TCF12: variants seen among roughly 807,000 people sequenced by gnomAD.
TCF12 encodes transcription factor 12.
A neutral mutation model predicts 86.0 loss-of-function variants in TCF12; 45 were observed. The ratio of observed to expected loss-of-function variants is 0.52; its 90% CI spans 0.41 to 0.67. TCF12 has a LOEUF of 0.67. Ranked by LOEUF, TCF12 falls within the 30% of genes least tolerant of loss-of-function variation. The pLI, the probability that TCF12 is intolerant of heterozygous loss-of-function variation, is 0.00. For missense variants in TCF12, 881 were observed against 859.9 expected, an observed-to-expected ratio of 1.02 and a Z score of -0.31; for synonymous variants, 330 against 299.6, an observed-to-expected ratio of 1.10 and a Z score of -1.05.
chr15:57,170,674 TAATATA>T (rs1567557867), intron 6 of TCF12, among the ~76,000 whole-genome samples: 4,101 of 11,326 alleles, frequency 0.36, 395 homozygotes, highest in Admixed American at 0.46. Context: ...TATATATATA[TAATATA>T]TTATATATAA....
intron 4 of TCF12, among the ~76,000 whole-genome samples, chr15:57,081,622 C>T (rs892052525): frequency 2.6e-5 from 4 of 152,198 alleles, no homozygotes; most frequent in African/African-American, 7.2e-5. Flanking sequence ...ACTACAGCCT[C>T]TGCCTCCTGG....
chr15:56,961,659 T>C (rs1387356957), intron 3 of TCF12, among the ~76,000 whole-genome samples: 1 of 152,194 alleles, frequency 6.6e-6, no homozygotes, highest in South Asian at 2.1e-4. Context: ...CATTACCAAT[T>C]AGTGGGTTGA....
At chr15:57,101,034 A>G (rs1239577031) in intron 5 of TCF12, among the ~76,000 whole-genome samples, 1 of 152,054 alleles carries the variant, frequency 6.6e-6, no homozygotes, top group Non-Finnish European at 1.5e-5. Context: ...TCAATTCACC[A>G]TTTTTGTAAT....
chr15:57,119,449 G>C (rs1006284810), intron 5 of TCF12, among the ~76,000 whole-genome samples: 2 of 148,430 alleles, frequency 1.3e-5, no homozygotes, highest in Non-Finnish European at 3.0e-5. Context: ...CACCGTACCC[G>C]GTCCACAGCT....
At chr15:57,111,021 G>C (rs1300751555) in intron 5 of TCF12, among the ~76,000 whole-genome samples, 1 of 152,210 alleles carries the variant, frequency 6.6e-6, no homozygotes, top group African/African-American at 2.4e-5. Flanking sequence ...TTCTGTCTCA[G>C]ATGCATTGTG....
chr15:57,238,865 G>C (rs2059487769), intron 12 of TCF12, among the ~76,000 whole-genome samples: 1 of 152,164 alleles, frequency 6.6e-6, no homozygotes, highest in Non-Finnish European at 1.5e-5. Context: ...TAAAAGAGCA[G>C]AGAGAAGTTC....
chr15:57,221,709 C>G (rs1210459816), intron 8 of TCF12, among the ~76,000 whole-genome samples: 2 of 151,988 alleles, frequency 1.3e-5, no homozygotes, highest in African/African-American at 4.8e-5. Flanking sequence ...TTGGCTTAGT[C>G]CTCCAAATCA....
chr15:56,978,866 C>T (rs576595776), intron 3 of TCF12, among the ~76,000 whole-genome samples: 11 of 152,100 alleles, frequency 7.2e-5, no homozygotes, highest in Admixed American at 2.0e-4. Flanking sequence ...AGAATTTCTG[C>T]AATGATGGGA....
At chr15:57,087,037 C>T (rs569307566) in intron 4 of TCF12, among the ~76,000 whole-genome samples, 1 of 150,492 alleles carries the variant, frequency 6.6e-6, no homozygotes, top group Non-Finnish European at 1.5e-5. Context: ...GTCTCTTCCC[C>T]TCTCTCTCCC....
chr15:57,190,786 C>A (rs1169085051), intron 6 of TCF12, among the ~76,000 whole-genome samples: 1 of 152,310 alleles, frequency 6.6e-6, no homozygotes, highest in East Asian at 1.9e-4. Flanking sequence ...TCTCCTCACC[C>A]TTGTCATCCT....
intron 4 of TCF12, among the ~76,000 whole-genome samples, chr15:57,072,907 A>G (rs2069530281): frequency 6.6e-6 from 1 of 152,232 alleles, no homozygotes; most frequent in Non-Finnish European, 1.5e-5. Flanking sequence ...GCACCTGCCT[A>G]TAAATTATAA....
At chr15:57,073,337 C>T (rs1326932292) in intron 4 of TCF12, among the ~76,000 whole-genome samples, 1 of 152,104 alleles carries the variant, frequency 6.6e-6, no homozygotes, top group African/African-American at 2.4e-5. Context: ...TCTTTCTTGA[C>T]AGCCTGTTTA....
At chr15:57,250,031 T>C (rs1234470503) in intron 13 of TCF12, among the ~76,000 whole-genome samples, 1 of 152,156 alleles carries the variant, frequency 6.6e-6, no homozygotes, top group Non-Finnish European at 1.5e-5. Flanking sequence ...CTTGTATCTT[T>C]TCTTTTTCTA....
At position 57,170,656 on chromosome 15, in the gene TCF12, ATAAAATAT is replaced by A. The variant is rs1402275902; in HGVS notation, c.390+4191_390+4198del. On this transcript the variant is annotated intron_variant, in intron 6 of 20. Transcript: ENST00000333725. ...TATATATATATAATATATATATTATATAAAATATATATATATATAATATATTATATATA... is the reference window on the plus strand; with the variant it reads ...TATATATATATAATATATATATTATAATATATATATAATATATTATATATA... 2.5e-4 allele frequency among the ~76,000 whole-genome samples: 9 copies of A among 36,708 alleles called. 2 individuals carry two copies. The highest frequency in any genetic ancestry group is 1.1e-3 in the Admixed American group (2 of 1,878). 24.1% of individuals were successfully genotyped at this position (36,708 alleles called of 152,430 possible).
At chr15:57,182,660 A>G (rs891476363) in intron 6 of TCF12, among the ~76,000 whole-genome samples, 3 of 152,172 alleles carry the variant, frequency 2.0e-5, no homozygotes, top group Non-Finnish European at 4.4e-5. Context: ...TGGCATTAAT[A>G]TTCACTGTGG....
downstream of TCF12, among the ~76,000 whole-genome samples, chr15:57,291,286 A>C (rs1258444441): frequency 6.6e-6 from 1 of 152,116 alleles, no homozygotes; most frequent in African/African-American, 2.4e-5. Context: ...TACTGAATAC[A>C]ATGTAAATCC....
intron 5 of TCF12, among the ~76,000 whole-genome samples, chr15:57,157,582 C>T (rs575137427): frequency 7.4e-4 from 103 of 139,446 alleles, no homozygotes; most frequent in South Asian, 1.8e-3. Context: ...TTTTTTGAGT[C>T]GGAGTCTTGC....
intron 12 of TCF12, among the ~76,000 whole-genome samples, chr15:57,238,836 T>C (rs1322583596): frequency 2.0e-5 from 3 of 152,156 alleles, no homozygotes; most frequent in Non-Finnish European, 4.4e-5. Context: ...ATAATGATAA[T>C]GTATAACACA....
At chr15:57,234,231 T>TA (rs1400337292) in intron 12 of TCF12, 124 bp downstream of exon 12, 2 of 764,630 alleles carry the variant, frequency 2.6e-6, no homozygotes, top group African/African-American at 3.5e-5. Flanking sequence ...ATTACACATT[T>TA]AGAGTTATTC....
Sources: gnomAD v4.1 joint callset for allele counts (sites outside exome capture counted in the v4.1 genomes callset) on GRCh38, gnomAD v4.1.1 for gene constraint, MANE v1.5 for transcripts, NCBI Gene and HGNC (gene_info 2026-07-23, HGNC 2026-07-21) for gene names.